Variants in ZNF595 observed in about 807,000 individuals in gnomAD.
ZNF595 encodes zinc finger protein 595.
In ZNF595, 9 loss-of-function variants were observed where a neutral mutation model predicts 19.4. The observed-to-expected ratio is 0.46, with a 90% CI of 0.28 to 0.81. The LOEUF (loss-of-function observed/expected upper bound fraction) is 0.81. ZNF595 is among the 30% of genes least tolerant of loss of function. The pLI is 0.11. For missense variants in ZNF595, 729 were observed against 736.0 expected (o/e 0.99, Z 0.11); for synonymous variants, 255 against 255.9 (o/e 1.00, Z 0.03).
At chr4:81,327 A>G (rs1713899545) in intron 3 of ZNF595, among the ~76,000 whole-genome samples, 1 of 152,122 alleles carries the variant, frequency 6.6e-6, no homozygotes, top group Non-Finnish European at 1.5e-5. Context: ...ATCTGTATGC[A>G]TATTGTTCCT....
At chr4:84,771 A>G (rs1553800747) in intron 3 of ZNF595, among the ~76,000 whole-genome samples, 1 of 151,848 alleles carries the variant, frequency 6.6e-6, no homozygotes, top group Non-Finnish European at 1.5e-5. Context: ...TCACATCCAC[A>G]ATTTGTTTTT....
At chr4:85,637 A>G (rs1714102763) in intron 3 of ZNF595, 94 bp from the exon 4 acceptor site, 2 of 1,351,800 alleles carry the variant, frequency 1.5e-6, no homozygotes, top group South Asian at 3.0e-5. Flanking sequence ...CTATCTTACT[A>G]ATGCAGTTTG....
intron 3 of ZNF595, among the ~76,000 whole-genome samples, chr4:66,807 T>C (rs1355305867): frequency 1.3e-5 from 2 of 152,252 alleles, no homozygotes; most frequent in South Asian, 2.1e-4. Context: ...ATTTGTCTTC[T>C]TGCAAGTACC....
chr4:69,358 C>T (rs993114504), intron 3 of ZNF595, among the ~76,000 whole-genome samples: 3 of 152,148 alleles, frequency 2.0e-5, no homozygotes, highest in Non-Finnish European at 4.4e-5. Flanking sequence ...TACATTCACA[C>T]CAAGAGAATG....
At chr4:84,440 TTAC>T (rs1714050640) in intron 3 of ZNF595, among the ~76,000 whole-genome samples, 1 of 152,196 alleles carries the variant, frequency 6.6e-6, no homozygotes, top group South Asian at 2.1e-4. Flanking sequence ...TGAAAGAGCT[TTAC>T]TTTTTCTTCA....
chr4:73,006 C>T (rs1713492918), intron 3 of ZNF595, among the ~76,000 whole-genome samples: 1 of 152,094 alleles, frequency 6.6e-6, no homozygotes, highest in Admixed American at 6.5e-5. Flanking sequence ...GCTGAGGATC[C>T]ACAGGCAGAT....
intron 3 of ZNF595, among the ~76,000 whole-genome samples, chr4:61,425 C>T (rs1403346992): frequency 1.2e-3 from 186 of 150,602 alleles, no homozygotes; most frequent in African/African-American, 4.0e-3. Context: ...CCTGAGCCAC[C>T]GTGCCTGGCC....
At chr4:72,999 G>A (rs1290818524) in intron 3 of ZNF595, among the ~76,000 whole-genome samples, 1 of 152,186 alleles carries the variant, frequency 6.6e-6, no homozygotes, top group Non-Finnish European at 1.5e-5. Flanking sequence ...CTGGAAAGCT[G>A]AGGATCCACA....
At chr4:73,253 G>A (rs747078014) in intron 3 of ZNF595, among the ~76,000 whole-genome samples, 2 of 152,214 alleles carry the variant, frequency 1.3e-5, no homozygotes, top group Non-Finnish European at 2.9e-5. Context: ...TAGAAAGTAG[G>A]TGTGAGGGAG....
Position 87,101 on chromosome 4 carries a change from C to G in ZNF595, c.1597C>G (p.Gln533Glu), listed in dbSNP as rs1553801946. The G allele has an allele frequency of 4.3e-6, 7 of 1,613,240 alleles. No individual in the cohort carries two copies. The highest frequency in any genetic ancestry group is 5.1e-6 in the Non-Finnish European group (6 of 1,179,784). The change falls in exon 4 of 4, where the codon CAA becomes GAA. Residue 533 changes from glutamine (Q) to glutamate (E), a missense_variant. Physicochemically the swap from Gln to Glu is conservative, Grantham distance 29. This residue lies in a region of ZNF595 where 729 missense variants were observed against 675.3 expected (regional missense o/e 1.08). Transcript: ENST00000610261. The stretch of plus-strand genomic sequence containing the variant: ...TATACACAGGAGCATTCATTCTGAA[C>G]AAAAACTTTACAAATGTGAAGAATG... Reference protein sequence around the residue: ...LIIHRSIHSEQKLYKCEECGK... With the variant: ...LIIHRSIHSEEKLYKCEECGK...
At position 71,732 on chromosome 4, in the gene ZNF595, C is replaced by G. The variant is rs574574669; in HGVS notation, c.226+11579C>G. Among the ~76,000 whole-genome samples the G allele has an allele frequency of 2.0e-5, 3 of 152,274 alleles. No homozygotes were observed. In the South Asian group the frequency reaches 6.2e-4, roughly 32 times the overall value. ...TCCTTATGGCATTAAGATTTTCTTTCTCCAAATCCAGTTTCCATGTTTTAG... is the reference window on the plus strand; with the variant it reads ...TCCTTATGGCATTAAGATTTTCTTTGTCCAAATCCAGTTTCCATGTTTTAG... On this transcript the variant is annotated intron_variant, in intron 3 of 3. Coordinates refer to ENST00000610261, the MANE Select transcript of ZNF595 (RefSeq NM_182524.4).
At chr4:71,668 A>C (rs782019421) in intron 3 of ZNF595, among the ~76,000 whole-genome samples, 1 of 152,164 alleles carries the variant, frequency 6.6e-6, no homozygotes, top group African/African-American at 2.4e-5. Context: ...CCTGATGCTA[A>C]AGCACTCTTC....
intron 3 of ZNF595, among the ~76,000 whole-genome samples, chr4:66,442 T>G (rs1279381027): frequency 0.014 from 2,077 of 151,472 alleles, 8 homozygotes; most frequent in South Asian, 0.073. Context: ...TGTGGAGAGA[T>G]AAATTTAATG....
chr4:65,372 TG>T (rs1489286122), intron 3 of ZNF595, among the ~76,000 whole-genome samples: 3 of 152,174 alleles, frequency 2.0e-5, no homozygotes, highest in Non-Finnish European at 4.4e-5. Flanking sequence ...GTCACTTTGT[TG>T]GTGTCTTATC....
chr4:81,899 AATTT>A (rs1163522674), intron 3 of ZNF595, among the ~76,000 whole-genome samples: 3 of 152,070 alleles, frequency 2.0e-5, no homozygotes, highest in Non-Finnish European at 4.4e-5. Flanking sequence ...TAATATTTTT[AATTT>A]ATTCATTTAT....
At chr4:78,527 T>TG in intron 3 of ZNF595, among the ~76,000 whole-genome samples, 1 of 152,310 alleles carries the variant, frequency 6.6e-6, no homozygotes, top group Admixed American at 6.5e-5. Context: ...TTCACTTGAG[T>TG]GGTCACCAGT....
chr4:69,492 T>C (rs988400451), intron 3 of ZNF595, among the ~76,000 whole-genome samples: 1 of 152,234 alleles, frequency 6.6e-6, no homozygotes, highest in Admixed American at 6.5e-5. Flanking sequence ...TCTGATGATA[T>C]TGATGTGGAG....
chr4:83,577 G>A (rs1157202304), intron 3 of ZNF595, among the ~76,000 whole-genome samples: 6 of 128,730 alleles, frequency 4.7e-5, no homozygotes, highest in Non-Finnish European at 6.1e-5. Context: ...CCGAGATCAC[G>A]CCACTGCACT....
chr4:66,835 CT>C (rs1315590537), intron 3 of ZNF595, among the ~76,000 whole-genome samples: 705 of 151,726 alleles, frequency 4.6e-3, no homozygotes, highest in Non-Finnish European at 6.6e-3. Context: ...TTTTATTTAG[CT>C]TTGTTATCTG....
Sources: allele counts gnomAD v4.1 joint callset (sites outside exome capture counted in the v4.1 genomes callset), GRCh38; gene constraint gnomAD v4.1.1; regional missense constraint gnomAD v4.1.1; transcripts MANE v1.5; gene names NCBI Gene and HGNC (gene_info 2026-07-23, HGNC 2026-07-21).